NAV2: variants seen among roughly 807,000 people sequenced by gnomAD.
The protein encoded by NAV2 is neuron navigator 2.
NAV2 carries 54 observed loss-of-function variants against 223.2 expected under a neutral mutation model. The ratio of observed to expected loss-of-function variants is 0.24; its 90% CI spans 0.19 to 0.30. The LOEUF (loss-of-function observed/expected upper bound fraction) is 0.30. NAV2 is among the 10% of genes least tolerant of loss of function. The probability of loss-of-function intolerance (pLI) is 1.00; values close to 1 mark genes in which losing one functional copy is unlikely to be tolerated. For synonymous variants in NAV2, 1,279 were observed against 1,239.3 expected, an observed-to-expected ratio of 1.03 and a Z score of -0.67; for missense variants, 2,806 against 3,147.5, an observed-to-expected ratio of 0.89 and a Z score of 2.60.
chr11:19,357,713 G>C (rs1853700615), intron 1 of NAV2, among the ~76,000 whole-genome samples: 1 of 152,156 alleles, frequency 6.6e-6, no homozygotes, highest in South Asian at 2.1e-4. Flanking sequence ...CTTTCTAAAA[G>C]AAAGTGTACT....
At chr11:19,580,542 A>G (rs1237951376) in intron 1 of NAV2, among the ~76,000 whole-genome samples, 1 of 152,166 alleles carries the variant, frequency 6.6e-6, no homozygotes, top group African/African-American at 2.4e-5. Context: ...CCATTAATCC[A>G]TGAATCTCTC....
chr11:19,860,310 C>T (rs1565444863), intron 3 of NAV2, among the ~76,000 whole-genome samples: 2 of 135,052 alleles, frequency 1.5e-5, no homozygotes, highest in Non-Finnish European at 3.1e-5. Context: ...CCTCACTTCT[C>T]AGACAGGGCG....
chr11:19,631,968 C>G (rs1248903793), intron 1 of NAV2, among the ~76,000 whole-genome samples: 1 of 152,274 alleles, frequency 6.6e-6, no homozygotes, highest in South Asian at 2.1e-4. Flanking sequence ...TTTCACCAGC[C>G]TCATTGTTTG....
chr11:19,626,208 G>A (rs991842909), intron 1 of NAV2, among the ~76,000 whole-genome samples: 5 of 152,282 alleles, frequency 3.3e-5, no homozygotes, highest in South Asian at 2.1e-4. Flanking sequence ...GTTGATTTTA[G>A]TATAGGATGA....
intron 1 of NAV2, among the ~76,000 whole-genome samples, chr11:19,770,970 T>G (rs1169736922): frequency 6.6e-6 from 1 of 152,208 alleles, no homozygotes; most frequent in Non-Finnish European, 1.5e-5. Context: ...GCTTCCCGTT[T>G]CAGTGCAGTT....
At chr11:19,755,810 G>C (rs539887013) in intron 1 of NAV2, among the ~76,000 whole-genome samples, 1 of 152,220 alleles carries the variant, frequency 6.6e-6, no homozygotes, top group Non-Finnish European at 1.5e-5. Flanking sequence ...AGAGGCCAAA[G>C]AAGAGACCCA....
rs771139211 is a variant in NAV2 at position 20,056,569 on chromosome 11, G to A, written c.4831+612G>A. 1.2e-5 allele frequency: 20 copies of A among 1,613,852 alleles called. No homozygotes were observed. In the East Asian group the frequency reaches 1.3e-4, roughly 11 times the overall value. ...AGTTCTGTGGACAACTTTGTCAGCCGTCTTCACAGCTCACTTCATTTCTCT... is the reference window on the plus strand; with the variant it reads ...AGTTCTGTGGACAACTTTGTCAGCCATCTTCACAGCTCACTTCATTTCTCT... On this transcript the variant is annotated intron_variant, in intron 19 of 37. Transcript: ENST00000349880.
At chr11:19,631,950 C>T (rs148673188) in intron 1 of NAV2, among the ~76,000 whole-genome samples, 1,919 of 152,354 alleles carry the variant, frequency 0.013, 28 homozygotes, top group African/African-American at 0.032. Context: ...GAGAGACCCA[C>T]GCCAATCTTT....
At chr11:19,796,371 C>A (rs1330619884) in intron 1 of NAV2, among the ~76,000 whole-genome samples, 1 of 152,152 alleles carries the variant, frequency 6.6e-6, no homozygotes, top group Non-Finnish European at 1.5e-5. Flanking sequence ...ATTGACAGAA[C>A]CCAAATTAAA....
intron 1 of NAV2, among the ~76,000 whole-genome samples, chr11:19,551,081 C>T (rs531640875): frequency 2.8e-4 from 43 of 152,410 alleles, no homozygotes; most frequent in African/African-American, 9.4e-4. Flanking sequence ...GGCACTGCCA[C>T]TTCAAATGAG....
rs1368454429 is a variant in NAV2, at chr11:20,048,967, G to A, written c.4142G>A (p.Ser1381Asn). 6.2e-7 allele frequency: 1 copy of A among 1,614,126 alleles called. No individual in the cohort carries two copies. The highest frequency in any genetic ancestry group is 2.2e-5 in the East Asian group (1 of 44,864). Residue 1381 changes from serine (S) to asparagine (N), a missense_variant, in exon 15 of 38, where the codon AGC becomes AAC. Ser to Asn is a conservative substitution (Grantham distance 46, BLOSUM62 1). Coordinates refer to ENST00000349880, the MANE Select transcript of NAV2 (RefSeq NM_145117.5). ...TCAGCCCACTCGGCCCCTTCCAACA[G>A]CCTCACCTGGGGCACCAACGCCAGC... ...PSSAHSAPSNSLTWGTNASSS... is the reference protein window; with the variant it reads ...PSSAHSAPSNNLTWGTNASSS...
At chr11:19,944,470 C>G (rs1197514840) in intron 8 of NAV2, among the ~76,000 whole-genome samples, 3 of 148,368 alleles carry the variant, frequency 2.0e-5, no homozygotes, top group Non-Finnish European at 4.5e-5. Context: ...TCTTTCTTTT[C>G]TCTTCTTCTC....
intron 1 of NAV2, among the ~76,000 whole-genome samples, chr11:19,637,808 A>C (rs1227742207): frequency 1.3e-5 from 2 of 152,246 alleles, no homozygotes; most frequent in African/African-American, 4.8e-5. Flanking sequence ...CCCCACCCCC[A>C]ACACTGGGGA....
intron 1 of NAV2, among the ~76,000 whole-genome samples, chr11:19,568,316 T>G (rs2045329852): frequency 6.6e-6 from 1 of 152,164 alleles, no homozygotes; most frequent in Non-Finnish European, 1.5e-5. Flanking sequence ...TTTGTAGAAA[T>G]GAGCTCCAGT....
At position 19,548,643 on chromosome 11, in the gene NAV2, C is replaced by T. The variant is rs534474465; in HGVS notation, c.75+197616C>T. ...CAGCACTTTGGGAGGCCGAGGTGGG[C>T]GGATCATGAGGTCAGGAGATCGAGA... On this transcript the variant is annotated intron_variant, in intron 1 of 37. Transcript: ENST00000360655. Among the ~76,000 whole-genome samples, 515 of 150,284 alleles carry T rather than the reference C, an allele frequency of 3.4e-3. 3 individuals are homozygous for T. Among genetic ancestry groups the T allele is most frequent in the African/African-American group, 0.012 (494 of 40,812 alleles).
intron 1 of NAV2, among the ~76,000 whole-genome samples, chr11:19,449,695 G>T (rs1209481063): frequency 6.6e-6 from 1 of 152,130 alleles, no homozygotes; most frequent in Non-Finnish European, 1.5e-5. Context: ...TTCCATGTCT[G>T]CCTCCCTCAC....
intron 8 of NAV2, among the ~76,000 whole-genome samples, chr11:19,941,827 G>A (rs1168654664): frequency 2.0e-5 from 3 of 152,174 alleles, no homozygotes; most frequent in African/African-American, 7.2e-5. Flanking sequence ...GCAGTTAATG[G>A]AGTTCTTTAT....
At chr11:19,588,096 G>A (rs1373069447) in intron 1 of NAV2, among the ~76,000 whole-genome samples, 1 of 152,154 alleles carries the variant, frequency 6.6e-6, no homozygotes, top group Non-Finnish European at 1.5e-5. Flanking sequence ...TATCCTACTA[G>A]TTCTATTCCT....
chr11:19,443,505 C>G (rs1321632465), intron 1 of NAV2, among the ~76,000 whole-genome samples: 1 of 152,198 alleles, frequency 6.6e-6, no homozygotes, highest in African/African-American at 2.4e-5. Context: ...AGCAAGGACA[C>G]CTGTCAGGTG....
Sources: gnomAD v4.1 joint callset for allele counts (sites outside exome capture counted in the v4.1 genomes callset) on GRCh38, gnomAD v4.1.1 for gene constraint, MANE v1.5 for transcripts, NCBI Gene and HGNC (gene_info 2026-07-23, HGNC 2026-07-21) for gene names.